SMC4: variants seen among roughly 807,000 people sequenced by gnomAD.
The protein encoded by SMC4 is structural maintenance of chromosomes protein 4.
SMC4 carries 87 observed loss-of-function variants against 145.6 expected under a neutral mutation model. The ratio of observed to expected loss-of-function variants is 0.60; its 90% confidence interval spans 0.50 to 0.71. SMC4 has a LOEUF of 0.71. Ranked by LOEUF, SMC4 falls within the 30% of genes least tolerant of loss-of-function variation. The probability of loss-of-function intolerance (pLI) is 0.00; values close to 1 mark genes in which losing one functional copy is unlikely to be tolerated. For synonymous variants in SMC4, 558 were observed against 500.7 expected (o/e 1.11, Z -1.53); for missense variants, 1,447 against 1,537.1 (o/e 0.94, Z 0.98).
Position 160,412,910 on chromosome 3 carries a change from C to T in SMC4, c.980+457C>T, listed in dbSNP as rs114065361. On this transcript the variant is annotated intron_variant, in intron 7 of 23. Coordinates refer to ENST00000357388, the MANE Select transcript of SMC4 (RefSeq NM_001002800.3). ...TTTTACGTGTGCACTTTTTAAAATT[C>T]GTGTAATAGCAGATCTGATTTTTTT... 472 of 584,848 alleles carry T rather than the reference C, an allele frequency of 8.1e-4. 5 individuals are homozygous for T. The African/African-American group carries it at 8.6e-3, about 11-fold the overall frequency. The allele number at this position is 584,848 out of a possible 1,614,324, so 36.2% of individuals were successfully genotyped here.
chr3:160,430,477 C>A (rs1718278383), intron 18 of SMC4, 122 bp from the exon 19 acceptor site: 2 of 914,736 alleles, frequency 2.2e-6, no homozygotes, highest in South Asian at 2.0e-5. Flanking sequence ...AAATCATAAA[C>A]TTAAAAATAT....
intron 7 of SMC4, chr3:160,412,713 T>C (rs1335442583): frequency 6.6e-6 from 5 of 753,810 alleles, no homozygotes; most frequent in Admixed American, 5.2e-5. Flanking sequence ...AAAGGAATTA[T>C]GTGGTGAACT....
At chr3:160,428,662 T>A in intron 17 of SMC4, 91 bp from the exon 18 acceptor site, 1 of 1,243,584 alleles carries the variant, frequency 8.0e-7, no homozygotes, top group Non-Finnish European at 1.1e-6. Context: ...ATGCATCACG[T>A]CAAGTCATAG....
In SMC4 at chr3:160,433,204, A is replaced by G. The variant is rs747311910; in HGVS notation, c.3709A>G (p.Ile1237Val). ...FKNVSIVAFYIYEQTKNAQFI... is the reference protein window; with the variant it reads ...FKNVSIVAFYVYEQTKNAQFI... The stretch of plus-strand genomic sequence containing the variant: ...AAATGTGTCCATTGTTGCATTTTAT[A>G]TATATGTAAGTAATCATTTTGGGAT... Residue 1237 changes from isoleucine to valine, a missense_variant, in exon 23 of 24, where the codon ATA (isoleucine) becomes GTA (valine). Transcript: ENST00000357388. 8.1e-6 allele frequency: 13 copies of G among 1,608,474 alleles called. No individual in the cohort carries two copies. The highest frequency in any genetic ancestry group is 2.2e-5 in the East Asian group (1 of 44,804).
chr3:160,433,311 T>C lies in SMC4; in HGVS notation c.3714+102T>C. On this transcript the variant is annotated intron_variant, in intron 23 of 23. Coordinates refer to ENST00000357388, the MANE Select transcript of SMC4 (RefSeq NM_001002800.3). ...TCTTACAATTGAGCTTTTTCTTTAT[T>C]GTCTAATAACTCCATCTCCATCTCC... 3.7e-6 allele frequency: 3 copies of C among 804,588 alleles called. No individual in the cohort carries two copies. The South Asian group carries it at 6.0e-5, about 16-fold the overall frequency. The allele number at this position is 804,588 out of a possible 1,614,324, so 49.8% of individuals were successfully genotyped here. A position where few individuals can be genotyped will look rare whatever the true frequency, so the allele number is the denominator to read the frequency against.
At chr3:160,430,887 A>G in intron 19 of SMC4, 144 bp downstream of exon 19, 1 of 1,233,456 alleles carries the variant, frequency 8.1e-7, no homozygotes, top group African/African-American at 1.5e-5. Flanking sequence ...TACAATAAGA[A>G]TACTATAATT....
intron 17 of SMC4, among the ~76,000 whole-genome samples, chr3:160,426,559 A>G (rs971119786): frequency 5.9e-5 from 9 of 152,348 alleles, no homozygotes; most frequent in African/African-American, 1.9e-4. Context: ...AATAAGTGGT[A>G]TGCAATCAAA....
At chr3:160,426,805 A>T (rs1717843879) in intron 17 of SMC4, among the ~76,000 whole-genome samples, 1 of 152,206 alleles carries the variant, frequency 6.6e-6, no homozygotes, top group African/African-American at 2.4e-5. Flanking sequence ...ATAGATGTGC[A>T]TCTTAATGGG....
chr3:160,402,368 G>T (rs560609558), intron 3 of SMC4, among the ~76,000 whole-genome samples: 2 of 150,032 alleles, frequency 1.3e-5, no homozygotes, highest in African/African-American at 5.0e-5. Context: ...GTTTGAAAGA[G>T]TATTTTCCCT....
Position 160,408,301 on chromosome 3 carries a change from T to C in SMC4, c.688-3619T>C, listed in dbSNP as rs150212326. Among the ~76,000 whole-genome samples the C allele has an allele frequency of 2.5e-3, 374 of 152,362 alleles. 2 individuals carry two copies. Among genetic ancestry groups the C allele is most frequent in the Middle Eastern group, 3.4e-3 (1 of 292 alleles). On this transcript the variant is annotated intron_variant, in intron 5 of 23. Transcript: ENST00000357388. Reference sequence around the variant, plus strand: ...GAATAAGGATAAAGGGCATCATACCTATTCATTCCTCTTAGATTTCTAAGC... The same window carrying C: ...GAATAAGGATAAAGGGCATCATACCCATTCATTCCTCTTAGATTTCTAAGC...
chr3:160,423,719 TG>T (rs1313101671), intron 14 of SMC4, 41 bp from the exon 15 acceptor site: 1 of 1,602,460 alleles, frequency 6.2e-7, no homozygotes, highest in African/African-American at 1.3e-5. Flanking sequence ...TTAATCTTGT[TG>T]GGGAGACATC....
At chr3:160,427,782 C>T (rs1717953438) in intron 17 of SMC4, among the ~76,000 whole-genome samples, 1 of 152,074 alleles carries the variant, frequency 6.6e-6, no homozygotes, top group Non-Finnish European at 1.5e-5. Context: ...TCTGTGCAAA[C>T]ATTTTATATT....
At chr3:160,421,277 G>C (rs1412032807) in intron 13 of SMC4, among the ~76,000 whole-genome samples, 2 of 151,954 alleles carry the variant, frequency 1.3e-5, no homozygotes, top group South Asian at 2.1e-4. Flanking sequence ...TTTGGATTCA[G>C]GCTTTTTCTT....
rs1022585641 is a variant in SMC4, at chr3:160,404,333, G to C, written c.516G>C (p.Gly172=). The C allele has an allele frequency of 5.6e-6, 9 of 1,601,226 alleles. No homozygotes were observed. The highest frequency in any genetic ancestry group is 6.8e-6 in the Non-Finnish European group (8 of 1,176,698). ...VHFQKIIDKE[G]DDYEVIPNSN... is the part of the protein sequence containing the mutation. ...TTTGTTTTTCCTCAAAACAGGAAGG[G>C]GATGATTATGAAGTCATTCCTAACA... Residue 172 remains glycine (G), a synonymous_variant, in exon 5 of 24, where the codon GGG becomes GGC. Coordinates refer to ENST00000357388, the MANE Select transcript of SMC4 (RefSeq NM_001002800.3).
intron 15 of SMC4, 66 bp downstream of exon 15, chr3:160,423,906 C>CCTG: frequency 7.7e-7 from 1 of 1,305,206 alleles, no homozygotes; most frequent in South Asian, 1.6e-5. Context: ...GAGGTATATA[C>CCTG]TTACTACAAA....
At chr3:160,430,067 T>A (rs1398212600) in intron 18 of SMC4, among the ~76,000 whole-genome samples, 1 of 152,224 alleles carries the variant, frequency 6.6e-6, no homozygotes, top group Non-Finnish European at 1.5e-5. Context: ...GTTAGGTATG[T>A]ATATAAAATA....
At position 160,416,420 on chromosome 3, in the gene SMC4, G is replaced by GTTT. The variant is rs572963988; in HGVS notation, c.1437+15_1437+17dup. On this transcript the variant is annotated splice_donor_region_variant and intron_variant, in intron 10 of 23. Transcript: ENST00000357388. ...GGGCTTCAGAAAGAAAAAGAAGTAA[G>GTTT]TTTTTTTTTTTTATCAGTGTTTATT... is the stretch of plus-strand genomic sequence containing the variant. 7.8e-5 allele frequency: 86 copies of GTTT among 1,105,834 alleles called. No homozygotes were observed. The highest frequency in any genetic ancestry group is 2.5e-4 in the South Asian group (11 of 44,234). 68.5% of individuals were successfully genotyped at this position (1,105,834 alleles called of 1,614,324 possible).
At chr3:160,405,411 C>T (rs181107992) in intron 5 of SMC4, among the ~76,000 whole-genome samples, 34 of 151,766 alleles carry the variant, frequency 2.2e-4, no homozygotes, top group Admixed American at 3.9e-4. Context: ...CCAGAATCAC[C>T]GAAGCATAAT....
At position 160,434,004 on chromosome 3, in the gene SMC4, A is replaced by G. The variant is rs139970718; in HGVS notation, c.*195A>G. On this transcript the variant is annotated 3_prime_UTR_variant, in exon 24 of 24. Transcript: ENST00000357388. ...GCTTCTAGATTACAAAAATATGACA[A>G]TCTTGTAAGTAGCAGACTATGGAGA... The G allele has an allele frequency of 1.2e-3, 518 of 431,326 alleles. 4 individuals are homozygous for G. Among genetic ancestry groups the G allele is most frequent in the African/African-American group, 8.5e-3 (409 of 47,944 alleles). The allele number at this position is 431,326 out of a possible 1,614,324, so 26.7% of individuals were successfully genotyped here. A position where few individuals can be genotyped will look rare whatever the true frequency, so the allele number is the denominator to read the frequency against.
Sources: allele counts gnomAD v4.1 joint callset (sites outside exome capture counted in the v4.1 genomes callset), GRCh38; gene constraint gnomAD v4.1.1; transcripts MANE v1.5; gene names NCBI Gene and HGNC (gene_info 2026-07-23, HGNC 2026-07-21).